ZPBP: variants seen among roughly 807,000 people sequenced by gnomAD.
ZPBP encodes zona pellucida binding protein.
In ZPBP, 26 loss-of-function variants were observed where a neutral mutation model predicts 44.8. The observed-to-expected ratio is 0.58, with a 90% CI of 0.43 to 0.81. The LOEUF is 0.81. Among genes scored for constraint, ZPBP ranks in the 30% least tolerant of loss-of-function variants. The pLI is 0.00. For missense variants in ZPBP, 409 were observed against 434.0 expected (o/e 0.94, Z 0.51); for synonymous variants, 174 against 153.2 (o/e 1.14, Z -1.00).
intron 3 of ZPBP, among the ~76,000 whole-genome samples, chr7:50,072,539 C>A (rs938680636): frequency 4.6e-5 from 7 of 152,172 alleles, no homozygotes; most frequent in African/African-American, 1.4e-4. Context: ...TTACAGCAGG[C>A]CTGGCTTCAG....
Position 49,981,705 on chromosome 7 carries a change from A to T in ZPBP, c.961+1637T>A, listed in dbSNP as rs564786995. ...TATAATAATATATATAATTATATAT[A>T]ATATATTATATATAATATAAATTAT... On this transcript the variant is annotated intron_variant, in intron 7 of 7. Coordinates refer to ENST00000046087, the MANE Select transcript of ZPBP (RefSeq NM_007009.3). 1.5e-3 allele frequency among the ~76,000 whole-genome samples: 129 copies of T among 86,658 alleles called. 6 individuals are homozygous for T. Among genetic ancestry groups the T allele is most frequent in the African/African-American group, 4.7e-3 (92 of 19,768 alleles). The allele number at this position is 86,658 out of a possible 152,430, so 56.9% of individuals were successfully genotyped here.
intron 2 of ZPBP, among the ~76,000 whole-genome samples, chr7:50,086,958 C>A (rs7781491): frequency 0.047 from 7,163 of 152,028 alleles, 191 homozygotes; most frequent in African/African-American, 0.067. Context: ...AGCAACTTAT[C>A]CCACACAAGT....
At position 50,081,880 on chromosome 7, in the gene ZPBP, G is replaced by C; in HGVS notation, c.228C>G (p.Leu76=). 6.2e-7 allele frequency: 1 copy of C among 1,611,058 alleles called. No individual in the cohort carries two copies. Among genetic ancestry groups the C allele is most frequent in the Non-Finnish European group, 8.5e-7 (1 of 1,177,982 alleles). The change falls in exon 3 of 8, where the codon CTC becomes CTG. Residue 76 remains leucine, a synonymous_variant. Coordinates refer to ENST00000046087, the MANE Select transcript of ZPBP (RefSeq NM_007009.3). ...TSFPVKAYVM[L]HQKSPHVLCV... Reference sequence around the variant, plus strand: ...ATAACACGTGTGGACTCTTTTGATGGAGCATGACATACGCTTTCACTGAAA... The same window carrying C: ...ATAACACGTGTGGACTCTTTTGATGCAGCATGACATACGCTTTCACTGAAA...
chr7:50,089,801 G>A, intron 1 of ZPBP, 92 bp from the exon 2 acceptor site: 1 of 991,420 alleles, frequency 1.0e-6, no homozygotes, highest in Non-Finnish European at 1.6e-6. Flanking sequence ...GGTTGAAGGG[G>A]AGAGCCATAA....
intron 6 of ZPBP, among the ~76,000 whole-genome samples, chr7:49,996,447 A>C (rs1009547044): frequency 2.6e-5 from 4 of 152,206 alleles, no homozygotes; most frequent in African/African-American, 9.6e-5. Flanking sequence ...AATCAATGTC[A>C]GTTCAGAGTC....
intron 4 of ZPBP, among the ~76,000 whole-genome samples, chr7:50,053,975 G>A (rs981158062): frequency 1.2e-4 from 18 of 152,000 alleles, no homozygotes; most frequent in African/African-American, 4.1e-4. Context: ...TGCAGCTTCC[G>A]CCTCCCAGGT....
intron 6 of ZPBP, among the ~76,000 whole-genome samples, chr7:50,011,155 AC>A (rs1798559891): frequency 6.6e-6 from 1 of 152,176 alleles, no homozygotes; most frequent in Non-Finnish European, 1.5e-5. Flanking sequence ...ATAATTGGCA[AC>A]CCACATGTAG....
rs986202841 is a variant in ZPBP at position 49,884,360 on chromosome 7, C to T, written n.509+16758G>A. Among the ~76,000 whole-genome samples the T allele has an allele frequency of 6.6e-5, 10 of 152,304 alleles. No individual in the cohort carries two copies. The East Asian group carries it at 1.5e-3, about 23-fold the overall frequency. On this transcript the variant is annotated intron_variant and non_coding_transcript_variant, in intron 2 of 2. Coordinates refer to the ZPBP transcript ENST00000465922. The stretch of plus-strand genomic sequence containing the variant: ...TATTGCCAGGGAAGAAGGCTTTAAC[C>T]GGGTGCTACAGCCGAGGAGAACAGG...
chr7:50,042,197 A>T (rs886344228), intron 4 of ZPBP, among the ~76,000 whole-genome samples: 1 of 152,218 alleles, frequency 6.6e-6, no homozygotes, highest in Non-Finnish European at 1.5e-5. Flanking sequence ...CCTACATTTG[A>T]TTGGTGTATC....
chr7:49,856,412 T>C (rs1248924928), intron 2 of ZPBP, among the ~76,000 whole-genome samples: 1 of 152,208 alleles, frequency 6.6e-6, no homozygotes, highest in Non-Finnish European at 1.5e-5. Context: ...TATGAGTTCC[T>C]GAGGTTCACC....
At chr7:50,077,233 T>C (rs988706766) in intron 3 of ZPBP, among the ~76,000 whole-genome samples, 15 of 151,902 alleles carry the variant, frequency 9.9e-5, no homozygotes, top group East Asian at 1.9e-4. Context: ...TCTCTTGCCA[T>C]ATACAAAGAT....
At chr7:49,883,514 T>A (rs1014843142) in intron 2 of ZPBP, among the ~76,000 whole-genome samples, 1 of 152,024 alleles carries the variant, frequency 6.6e-6, no homozygotes, top group Non-Finnish European at 1.5e-5. Context: ...CAAGAAAAAA[T>A]TAAAATCATA....
chr7:50,083,251 TA>T (rs1398579417), intron 2 of ZPBP, among the ~76,000 whole-genome samples: 1 of 151,852 alleles, frequency 6.6e-6, no homozygotes, highest in East Asian at 1.9e-4. Context: ...ACATCAACAA[TA>T]ATGCATTAAA....
At chr7:50,005,948 G>A (rs1486039242) in intron 6 of ZPBP, among the ~76,000 whole-genome samples, 4 of 151,062 alleles carry the variant, frequency 2.6e-5, no homozygotes, top group Non-Finnish European at 1.5e-5. Flanking sequence ...CATACAGGTT[G>A]AAGTGAGAGG....
chr7:49,906,351 T>C (rs977683402), intron 1 of ZPBP, among the ~76,000 whole-genome samples: 2 of 152,174 alleles, frequency 1.3e-5, no homozygotes, highest in Non-Finnish European at 2.9e-5. Flanking sequence ...CTCTTTTTTT[T>C]TGAGACAGAG....
chr7:49,881,209 G>T (rs934417071), intron 2 of ZPBP, among the ~76,000 whole-genome samples: 11 of 152,110 alleles, frequency 7.2e-5, no homozygotes, highest in African/African-American at 2.2e-4. Flanking sequence ...GAGCCGAGAG[G>T]AGGAGAGTCC....
chr7:50,045,368 T>C (rs1800297527), intron 4 of ZPBP, among the ~76,000 whole-genome samples: 1 of 152,302 alleles, frequency 6.6e-6, no homozygotes, highest in Middle Eastern at 3.4e-3. Flanking sequence ...TTGTCTCTGT[T>C]TGCAGATGAC....
At chr7:49,847,568 G>T (rs1789991540), downstream of ZPBP, among the ~76,000 whole-genome samples, 1 of 152,176 alleles carries the variant, frequency 6.6e-6, no homozygotes. Context: ...TTCAAAGAGA[G>T]TTGGTTATAC....
chr7:49,859,594 G>A (rs1371880195), intron 2 of ZPBP, among the ~76,000 whole-genome samples: 1 of 152,190 alleles, frequency 6.6e-6, no homozygotes, highest in Non-Finnish European at 1.5e-5. Flanking sequence ...GTGCATTGAC[G>A]TCTGGGCTTT....
Sources: allele counts gnomAD v4.1 joint callset (sites outside exome capture counted in the v4.1 genomes callset), GRCh38; gene constraint gnomAD v4.1.1; transcripts MANE v1.5; gene names NCBI Gene and HGNC (gene_info 2026-07-23, HGNC 2026-07-21).